The following SRGAP3 variants were observed in gnomAD, a reference collection of about 807,000 sequenced individuals.
SRGAP3 encodes the protein SLIT-ROBO Rho GTPase activating protein 3, also known as SLIT-ROBO Rho GTPase-activating protein 3.
Under a neutral mutation model 121.1 loss-of-function variants are expected in SRGAP3, and 39 were observed. The ratio of observed to expected loss-of-function variants is 0.32; its 90% CI spans 0.25 to 0.42. SRGAP3 has a LOEUF of 0.42. SRGAP3 is among the 10% of genes least tolerant of loss of function. The pLI is 1.00. For missense variants in SRGAP3, 1,213 were observed against 1,470.6 expected (o/e 0.82, Z 2.86); for synonymous variants, 601 against 570.0 (o/e 1.05, Z -0.77).
chr3:9,083,456 G>A (rs1230227790), intron 3 of SRGAP3, among the ~76,000 whole-genome samples: 2 of 152,156 alleles, frequency 1.3e-5, no homozygotes, highest in African/African-American at 2.4e-5. Context: ...CATATCATAT[G>A]TTCTCTCTTA....
intron 4 of SRGAP3, among the ~76,000 whole-genome samples, chr3:9,069,768 G>C (rs543687278): frequency 2.0e-5 from 3 of 152,254 alleles, no homozygotes; most frequent in African/African-American, 7.2e-5. Context: ...CCAACATAGT[G>C]AAACCCTGTC....
intron 18 of SRGAP3, among the ~76,000 whole-genome samples, chr3:8,995,793 A>G (rs1429889494): frequency 6.6e-6 from 1 of 152,192 alleles, no homozygotes; most frequent in Non-Finnish European, 1.5e-5. Flanking sequence ...CTGATTTTGT[A>G]TAGGTATTAA....
chr3:9,058,640 C>T, intron 6 of SRGAP3, 168 bp from the exon 7 acceptor site: 1 of 665,498 alleles, frequency 1.5e-6, no homozygotes, highest in Non-Finnish European at 2.6e-6. Flanking sequence ...CACGGCGCCC[C>T]TCAAGGGGAG....
chr3:9,286,236 C>A (rs1954768132), intron 3 of SRGAP3, among the ~76,000 whole-genome samples: 2 of 151,770 alleles, frequency 1.3e-5, no homozygotes, highest in Admixed American at 6.6e-5. Flanking sequence ...GATCTGTATA[C>A]TTTCTTCTCG....
At chr3:9,045,262 G>C (rs961902459) in intron 10 of SRGAP3, among the ~76,000 whole-genome samples, 1 of 151,412 alleles carries the variant, frequency 6.6e-6, no homozygotes, top group African/African-American at 2.4e-5. Context: ...CAAAGGAAGC[G>C]CAGTGAGCCT....
chr3:9,116,445 C>T (rs1002300878), intron 2 of SRGAP3, among the ~76,000 whole-genome samples: 12 of 152,126 alleles, frequency 7.9e-5, no homozygotes, highest in Admixed American at 7.9e-4. Flanking sequence ...GGCAGCTGGC[C>T]GACTGAAGTG....
At chr3:9,039,706 G>A (rs1190595148) in intron 10 of SRGAP3, among the ~76,000 whole-genome samples, 2 of 152,106 alleles carry the variant, frequency 1.3e-5, no homozygotes, top group Non-Finnish European at 2.9e-5. Flanking sequence ...TTGCGTAGTC[G>A]AGACATTTTA....
chr3:9,295,659 A>AT (rs1954941021), intron 3 of SRGAP3, among the ~76,000 whole-genome samples: 2 of 152,132 alleles, frequency 1.3e-5, no homozygotes, highest in Non-Finnish European at 1.5e-5. Context: ...AAATTTTACC[A>AT]TTTTAACCAT....
rs547099836 is a variant in SRGAP3 at position 9,076,460 on chromosome 3, C to T, written c.486+3565G>A. Among the ~76,000 whole-genome samples, 7 of 148,564 alleles carry T rather than the reference C, an allele frequency of 4.7e-5. No individual in the cohort carries two copies. The East Asian group carries it at 1.2e-3, about 25-fold the overall frequency. On this transcript the variant is annotated intron_variant, in intron 4 of 21. Coordinates refer to ENST00000383836, the MANE Select transcript of SRGAP3 (RefSeq NM_014850.4). ...CCCTGTTTGGCAACAAAGAGGAGAG[C>T]CAACGAGGTTAATTGATTTGGCCAA...
At chr3:9,093,477 C>G (rs1560130534) in intron 3 of SRGAP3, among the ~76,000 whole-genome samples, 1 of 152,034 alleles carries the variant, frequency 6.6e-6, no homozygotes, top group Non-Finnish European at 1.5e-5. Context: ...ATCCATCCAT[C>G]TACCCATCAA....
At chr3:9,099,998 G>A (rs914470827) in intron 3 of SRGAP3, among the ~76,000 whole-genome samples, 16 of 152,358 alleles carry the variant, frequency 1.1e-4, no homozygotes, top group Admixed American at 4.6e-4. Flanking sequence ...CTCAGCTACC[G>A]CTAGCTGATG....
chr3:9,103,564 A>G (rs1485558370), intron 3 of SRGAP3, among the ~76,000 whole-genome samples: 1 of 152,190 alleles, frequency 6.6e-6, no homozygotes, highest in East Asian at 1.9e-4. Context: ...TGAACCCAAG[A>G]ATTTAAGAAT....
chr3:9,324,670 T>C (rs1213497820), intron 3 of SRGAP3, among the ~76,000 whole-genome samples: 3 of 151,846 alleles, frequency 2.0e-5, no homozygotes, highest in Admixed American at 2.0e-4. Flanking sequence ...AAATTCCCCC[T>C]TTTGGGCTGG....
intron 3 of SRGAP3, among the ~76,000 whole-genome samples, chr3:9,091,663 C>G (rs1947762283): frequency 6.6e-6 from 1 of 152,168 alleles, no homozygotes; most frequent in African/African-American, 2.4e-5. Context: ...CACAGCAGCT[C>G]CAACAGTTAA....
chr3:9,063,589 T>G (rs6779948), intron 5 of SRGAP3, among the ~76,000 whole-genome samples: 50,874 of 152,056 alleles, frequency 0.33, 9,183 homozygotes, highest in South Asian at 0.46. Flanking sequence ...TCCTCCCGCC[T>G]TGGCCTCCCA....
At chr3:9,247,422 C>T (rs1428177829) in intron 1 of SRGAP3, among the ~76,000 whole-genome samples, 1 of 152,106 alleles carries the variant, frequency 6.6e-6, no homozygotes, top group African/African-American at 2.4e-5. Context: ...GTGATGAGCA[C>T]GCTGGGCTTT....
intron 1 of SRGAP3, among the ~76,000 whole-genome samples, chr3:9,187,435 C>T (rs1256679938): frequency 6.6e-6 from 1 of 152,100 alleles, no homozygotes; most frequent in Non-Finnish European, 1.5e-5. Context: ...GTGCTGAGTG[C>T]TCCACATCCT....
intron 3 of SRGAP3, among the ~76,000 whole-genome samples, chr3:9,296,004 T>C (rs918673600): frequency 2.0e-5 from 3 of 152,250 alleles, no homozygotes; most frequent in Non-Finnish European, 2.9e-5. Flanking sequence ...ATATTCATTG[T>C]ATACTTAGAG....
intron 7 of SRGAP3, among the ~76,000 whole-genome samples, chr3:9,058,046 C>A (rs190411485): frequency 6.6e-6 from 1 of 152,178 alleles, no homozygotes; most frequent in Non-Finnish European, 1.5e-5. Flanking sequence ...AGCCAAGGTC[C>A]TGTAATTCTG....
Sources: allele counts gnomAD v4.1 joint callset (sites outside exome capture counted in the v4.1 genomes callset), GRCh38; gene constraint gnomAD v4.1.1; transcripts MANE v1.5; gene names NCBI Gene and HGNC (gene_info 2026-07-23, HGNC 2026-07-21).